The following EEF2 variants were observed in gnomAD, a reference collection of about 807,000 sequenced individuals.
EEF2 encodes the protein elongation factor 2.
EEF2 carries 21 observed loss-of-function variants against 85.3 expected under a neutral mutation model. The ratio of observed to expected loss-of-function variants is 0.25; its 90% CI spans 0.17 to 0.35. EEF2 has a LOEUF of 0.35. EEF2 is among the 10% of genes least tolerant of loss of function. The pLI is 1.00. For synonymous variants in EEF2, 723 were observed against 508.8 expected (o/e 1.42, Z -5.67); for missense variants, 825 against 1,225.3 (o/e 0.67, Z 4.88).
At chr19:3,983,405 G>T in intron 2 of EEF2, 114 bp from the exon 3 acceptor site, 3 of 1,178,126 alleles carry the variant, frequency 2.5e-6, no homozygotes, top group South Asian at 3.1e-5. Flanking sequence ...CCCTGGAGAG[G>T]CTCCCACAAG....
chr19:3,978,261 C>T (rs1299604372), intron 11 of EEF2, 89 bp from the exon 12 acceptor site: 28 of 1,203,048 alleles, frequency 2.3e-5, no homozygotes, highest in Non-Finnish European at 3.0e-5. Context: ...CCTAGCAAGG[C>T]GGACCTCATA....
chr19:3,982,539 G>T (rs773457721), intron 4 of EEF2, 115 bp from the exon 5 acceptor site: 13 of 1,353,012 alleles, frequency 9.6e-6, no homozygotes, highest in Non-Finnish European at 1.2e-5. Context: ...GTAGACATCT[G>T]GTCAAAGTGA....
chr19:3,984,300 G>A lies in EEF2; in HGVS notation c.54C>T (p.Asn18=), dbSNP rs758956786. ...QIRAIMDKKA[N]IRNMSVIAHV... is the part of the protein sequence containing the mutation. Reference sequence around the variant, plus strand: ...GGGCGATGACAGACATGTTGCGGATGTTGGCCTTCTTGTCCATGATGGCGC... The same window carrying A: ...GGGCGATGACAGACATGTTGCGGATATTGGCCTTCTTGTCCATGATGGCGC... The change falls in exon 2 of 15, where the codon AAC becomes AAT. Residue 18 remains asparagine, a synonymous_variant. Coordinates refer to ENST00000309311, the MANE Select transcript of EEF2 (RefSeq NM_001961.4). 9.9e-6 allele frequency: 16 copies of A among 1,614,102 alleles called. No homozygotes were observed. Among genetic ancestry groups the A allele is most frequent in the East Asian group, 4.5e-5 (2 of 44,894 alleles).
rs1229537689 is a variant in EEF2, at chr19:3,976,322, A to AT, written c.*231dup. The stretch of plus-strand genomic sequence containing the variant: ...CCGCCTCCCCCTCCCCGACCGGCCC[A>AT]TTAAGTCCCTACTAAGAGGGCGTGT... On this transcript the variant is annotated 3_prime_UTR_variant, in exon 15 of 15. Coordinates refer to ENST00000309311, the MANE Select transcript of EEF2 (RefSeq NM_001961.4). The AT allele has an allele frequency of 1.2e-5, 3 of 250,450 alleles. No homozygotes were observed. In the Admixed American group the frequency reaches 1.7e-4, roughly 14 times the overall value. The allele number at this position is 250,450 out of a possible 1,614,324, so 15.5% of individuals were successfully genotyped here.
At chr19:3,983,040 C>T (rs201305476) in intron 3 of EEF2, 22 bp from the exon 4 acceptor site, 98 of 1,611,816 alleles carry the variant, frequency 6.1e-5, no homozygotes, top group Middle Eastern at 1.7e-4. Context: ...GGGGACAGGG[C>T]GGCGCTGTCA....
rs543392389 is a variant in EEF2 at position 3,981,284 on chromosome 19, T to A, written c.1011+55A>T. 7.4e-5 allele frequency: 114 copies of A among 1,547,674 alleles called. 1 individual carries two copies. In the East Asian group the frequency reaches 2.2e-3, roughly 30 times the overall value. ...CCCCCAGGCCTGGGCTGTCAGAGCATCCGGAAACAGCAGCCTGTGTTCCCT... is the reference window on the plus strand; with the variant it reads ...CCCCCAGGCCTGGGCTGTCAGAGCAACCGGAAACAGCAGCCTGTGTTCCCT... On this transcript the variant is annotated intron_variant, in intron 7 of 14. Transcript: ENST00000309311.
At chr19:3,980,400 C>T (rs905794829) in intron 9 of EEF2, 114 bp downstream of exon 9, 161 of 1,311,372 alleles carry the variant, frequency 1.2e-4, no homozygotes, top group Middle Eastern at 2.7e-4. Context: ...CAAGTATCAC[C>T]CTATATTCCT....
intron 8 of EEF2, 21 bp downstream of exon 8, chr19:3,980,820 C>T (rs1282528984): frequency 6.3e-7 from 1 of 1,577,500 alleles, no homozygotes; most frequent in South Asian, 1.1e-5. Context: ...ATCTCAGGGC[C>T]CGGCCACCGG....
chr19:3,982,147 G>A (rs1381735434), intron 5 of EEF2, 95 bp from the exon 6 acceptor site: 5 of 1,596,004 alleles, frequency 3.1e-6, no homozygotes, highest in East Asian at 4.5e-5. Flanking sequence ...GCAAGACCTG[G>A]TGGGCTTGAG....
intron 1 of EEF2, 189 bp downstream of exon 1, chr19:3,985,189 G>T: frequency 1.7e-6 from 1 of 583,006 alleles, no homozygotes; most frequent in Non-Finnish European, 2.6e-6. Context: ...CGGAAACGGA[G>T]AAAGGGCTCG....
chr19:3,985,400 T>C lies in EEF2; in HGVS notation c.-20A>G. 6.7e-7 allele frequency: 1 copy of C among 1,502,960 alleles called. No homozygotes were observed. Among genetic ancestry groups the C allele is most frequent in the Non-Finnish European group, 8.9e-7 (1 of 1,121,890 alleles). 93.1% of individuals were successfully genotyped at this position (1,502,960 alleles called of 1,614,324 possible). A position where few individuals can be genotyped will look rare whatever the true frequency, so the allele number is the denominator to read the frequency against. ...CACCATGGTGGCGGATGGCGGTGGATTCTCCCAGGTAGAACCGAAAGAAGC... is the reference window on the plus strand; with the variant it reads ...CACCATGGTGGCGGATGGCGGTGGACTCTCCCAGGTAGAACCGAAAGAAGC... On this transcript the variant is annotated 5_prime_UTR_variant, in exon 1 of 15. Coordinates refer to ENST00000309311, the MANE Select transcript of EEF2 (RefSeq NM_001961.4).
intron 11 of EEF2, among the ~76,000 whole-genome samples, 180 bp from the exon 12 acceptor site, chr19:3,978,352 A>G (rs2039702474): frequency 1.3e-5 from 2 of 152,268 alleles, no homozygotes; most frequent in South Asian, 2.1e-4. Context: ...AGACAAGGAC[A>G]AGGAGCAGGG....
At position 3,984,325 on chromosome 19, in the gene EEF2, C is replaced by T; in HGVS notation, c.29G>A (p.Arg10His). The T allele has an allele frequency of 6.2e-7, 1 of 1,614,156 alleles. No homozygotes were observed. Among genetic ancestry groups the T allele is most frequent in the Non-Finnish European group, 8.5e-7 (1 of 1,180,034 alleles). Residue 10 changes from arginine (R) to histidine (H), a missense_variant, in exon 2 of 15, where the codon CGC becomes CAC. By Grantham distance (29) the Arg-to-His change is conservative. Transcript: ENST00000309311. ...GTTGGCCTTCTTGTCCATGATGGCG[C>T]GGATCTGGTCTACCGTGAAGTTCAC... is the stretch of plus-strand genomic sequence containing the variant. MVNFTVDQI[R>H]AIMDKKANIR...
intron 6 of EEF2, 70 bp from the exon 7 acceptor site, chr19:3,981,522 G>A (rs1357588755): frequency 1.4e-6 from 2 of 1,434,148 alleles, no homozygotes; most frequent in African/African-American, 2.8e-5. Context: ...ACTGCTTCCT[G>A]CTTGGAAGAC....
chr19:3,981,165 C>G (rs550726199), intron 7 of EEF2, among the ~76,000 whole-genome samples, 174 bp downstream of exon 7: 1 of 152,244 alleles, frequency 6.6e-6, no homozygotes, highest in Non-Finnish European at 1.5e-5. Flanking sequence ...ACACCTGTCC[C>G]GGATGGGGCT....
chr19:3,978,209 A>G (rs567219818), intron 11 of EEF2, 37 bp from the exon 12 acceptor site: 3 of 1,429,120 alleles, frequency 2.1e-6, no homozygotes, highest in Non-Finnish European at 2.8e-6. Context: ...TTGCCTGGAG[A>G]AAGAGGTGAC....
chr19:3,976,476 TGTC>T lies in EEF2; in HGVS notation c.*75_*77del, dbSNP rs2039681056. Reference sequence around the variant, plus strand: ...TCGCTGTGTCGGGACAGTCTCCAGGTGTCGTCTGAGAATTCGAGGACGTGGTGC... The same window carrying T: ...TCGCTGTGTCGGGACAGTCTCCAGGTGTCTGAGAATTCGAGGACGTGGTGC... On this transcript the variant is annotated 3_prime_UTR_variant, in exon 15 of 15. Coordinates refer to ENST00000309311, the MANE Select transcript of EEF2 (RefSeq NM_001961.4). 1 of 1,502,708 alleles carries T rather than the reference TGTC, an allele frequency of 6.7e-7. No homozygotes were observed. The highest frequency in any genetic ancestry group is 1.4e-5 in the African/African-American group (1 of 72,052). 93.1% of individuals were successfully genotyped at this position (1,502,708 alleles called of 1,614,324 possible). A position where few individuals can be genotyped will look rare whatever the true frequency, so the allele number is the denominator to read the frequency against.
At chr19:3,979,666 T>C (rs1240719856) in intron 10 of EEF2, 142 bp downstream of exon 10, 2 of 1,339,960 alleles carry the variant, frequency 1.5e-6, no homozygotes, top group Non-Finnish European at 2.0e-6. Context: ...GGAGTCTCCA[T>C]TTACAGCCAC....
At chr19:3,985,107 A>G (rs1187689819) in intron 1 of EEF2, 1 of 389,638 alleles carries the variant, frequency 2.6e-6, no homozygotes, top group Non-Finnish European at 4.5e-6. Flanking sequence ...CGCCTGCCAC[A>G]TCATCATTCC....
Sources: gnomAD v4.1 joint callset for allele counts (sites outside exome capture counted in the v4.1 genomes callset) on GRCh38, gnomAD v4.1.1 for gene constraint, MANE v1.5 for transcripts, NCBI Gene and HGNC (gene_info 2026-07-23, HGNC 2026-07-21) for gene names.